SLC19A3: variants seen among roughly 807,000 people sequenced by gnomAD.
The protein encoded by SLC19A3 is thiamine transporter 2.
A neutral mutation model predicts 40.2 loss-of-function variants in SLC19A3; 31 were observed. That is an observed-to-expected ratio of 0.77 (90% CI 0.58 to 1.04). The LOEUF is 1.04. Ranked by LOEUF, SLC19A3 falls within the 50% of genes least tolerant of loss-of-function variation. SLC19A3 has a pLI of 0.00. For synonymous variants in SLC19A3, 212 were observed against 227.5 expected (o/e 0.93, Z 0.61); for missense variants, 592 against 596.7 (o/e 0.99, Z 0.08).
intron 4 of SLC19A3, among the ~76,000 whole-genome samples, chr2:227,692,213 G>A (rs1227222487): frequency 6.6e-6 from 1 of 151,956 alleles, no homozygotes; most frequent in Non-Finnish European, 1.5e-5. Flanking sequence ...ATTCTACAAG[G>A]CCAGTGTTAC....
At chr2:227,690,192 C>A (rs1439106030) in intron 4 of SLC19A3, among the ~76,000 whole-genome samples, 2 of 151,882 alleles carry the variant, frequency 1.3e-5, no homozygotes, top group Non-Finnish European at 2.9e-5. Context: ...TTAAAAAGAC[C>A]CAATGACCTG....
At chr2:227,694,278 A>G (rs932324651) in intron 4 of SLC19A3, among the ~76,000 whole-genome samples, 7 of 152,130 alleles carry the variant, frequency 4.6e-5, no homozygotes, top group Non-Finnish European at 1.0e-4. Context: ...AAGTGCTGGG[A>G]TTACAGGCGG....
At chr2:227,707,365 G>A (rs1053477926) in intron 1 of SLC19A3, among the ~76,000 whole-genome samples, 1 of 152,046 alleles carries the variant, frequency 6.6e-6, no homozygotes, top group Non-Finnish European at 1.5e-5. Context: ...CAGGTGGATC[G>A]CTTGAGCTCA....
At chr2:227,700,064 A>G (rs1194880104) in intron 2 of SLC19A3, among the ~76,000 whole-genome samples, 1 of 151,820 alleles carries the variant, frequency 6.6e-6, no homozygotes, top group Non-Finnish European at 1.5e-5. Context: ...TTTAGAAGAG[A>G]CGGGGTTTCA....
chr2:227,699,611 T>C, intron 2 of SLC19A3, 47 bp from the exon 3 acceptor site: 1 of 1,511,462 alleles, frequency 6.6e-7, no homozygotes, highest in East Asian at 2.3e-5. Flanking sequence ...GGTACTTTAC[T>C]AAGGTACCTG....
rs1695545568 is a variant in SLC19A3, at chr2:227,698,777, G to A, written c.938C>T (p.Ser313Phe). The A allele has an allele frequency of 1.2e-6, 2 of 1,614,144 alleles. No individual in the cohort carries two copies. The highest frequency in any genetic ancestry group is 1.7e-6 in the Non-Finnish European group (2 of 1,180,044). Residue 313 changes from serine to phenylalanine, a missense_variant, in exon 3 of 6, where the codon TCC (serine) becomes TTC (phenylalanine). Transcript: ENST00000644224. ...AGCTTCTACGGCCCCATTATAGATG[G>A]AAGAATCTTGGGATGGCGCCTTGTA... ...WDYKAPSQDSSIYNGAVEAIA... is the reference protein window; with the variant it reads ...WDYKAPSQDSFIYNGAVEAIA...
intron 3 of SLC19A3, among the ~76,000 whole-genome samples, chr2:227,696,711 A>G (rs1317533874): frequency 6.6e-6 from 1 of 152,192 alleles, no homozygotes; most frequent in Non-Finnish European, 1.5e-5. Flanking sequence ...AGTTCAAGAA[A>G]TTGAAATAAT....
Position 227,684,956 on chromosome 2 carries a change from C to G in SLC19A3, c.*2441G>C, listed in dbSNP as rs1387387554. On this transcript the variant is annotated 3_prime_UTR_variant, in exon 6 of 6. Coordinates refer to ENST00000644224, the MANE Select transcript of SLC19A3 (RefSeq NM_025243.4). ...TGACATTGCGTCATTGCACTCCAGC[C>G]TGGGTGACAGAGCAAGATTCTATCA... 1 of 110,158 alleles carries G rather than the reference C, an allele frequency of 9.1e-6. No homozygotes were observed. Among genetic ancestry groups the G allele is most frequent in the Admixed American group, 1.5e-4 (1 of 6,556 alleles). 6.8% of individuals were successfully genotyped at this position (110,158 alleles called of 1,614,324 possible). A position where few individuals can be genotyped will look rare whatever the true frequency, so the allele number is the denominator to read the frequency against.
chr2:227,717,953 G>C lies in SLC19A3; in HGVS notation c.-13C>G. 1 of 985,420 alleles carries C rather than the reference G, an allele frequency of 1.0e-6. No individual in the cohort carries two copies. Among genetic ancestry groups the C allele is most frequent in the Non-Finnish European group, 1.2e-6 (1 of 829,958 alleles). The allele number at this position is 985,420 out of a possible 1,614,324, so 61.0% of individuals were successfully genotyped here. ...CCGAGATATTCTTACCTACAGAAGG[G>C]AGTGTCTGTTCACCAAATCGCTCAC... is the stretch of plus-strand genomic sequence containing the variant. On this transcript the variant is annotated 5_prime_UTR_variant, in exon 1 of 6. Transcript: ENST00000644224.
Position 227,697,154 on chromosome 2 carries a change from GA to G in SLC19A3, c.980-1074del, listed in dbSNP as rs945080967. 2.4e-3 allele frequency among the ~76,000 whole-genome samples: 353 copies of G among 148,602 alleles called. 1 individual carries two copies. Among genetic ancestry groups the G allele is most frequent in the African/African-American group, 7.2e-3 (292 of 40,304 alleles). Reference sequence around the variant, plus strand: ...CCCACATGTGATCATGACCACAGAGGAAAAAAAAAATAACTATTTTTCCCCC... The same window carrying G: ...CCCACATGTGATCATGACCACAGAGGAAAAAAAAATAACTATTTTTCCCCC... On this transcript the variant is annotated intron_variant, in intron 3 of 5. Transcript: ENST00000644224.
intron 4 of SLC19A3, among the ~76,000 whole-genome samples, chr2:227,694,958 G>A (rs1318506120): frequency 6.6e-6 from 1 of 152,140 alleles, no homozygotes; most frequent in East Asian, 1.9e-4. Flanking sequence ...TACTCAGGAG[G>A]CTGAGGTGGG....
chr2:227,692,893 AT>A (rs774765037), intron 4 of SLC19A3, among the ~76,000 whole-genome samples: 18 of 152,216 alleles, frequency 1.2e-4, no homozygotes, highest in African/African-American at 1.7e-4. Flanking sequence ...ACTCCATAAC[AT>A]TTCTATATGC....
chr2:227,712,933 T>C (rs1310694245), intron 1 of SLC19A3, among the ~76,000 whole-genome samples: 1 of 152,120 alleles, frequency 6.6e-6, no homozygotes, highest in Non-Finnish European at 1.5e-5. Context: ...GTGACTGCAA[T>C]AGAGCGCAGG....
At chr2:227,691,952 G>A (rs1695248299) in intron 4 of SLC19A3, among the ~76,000 whole-genome samples, 1 of 152,114 alleles carries the variant, frequency 6.6e-6, no homozygotes, top group Non-Finnish European at 1.5e-5. Flanking sequence ...GCAAGTATAT[G>A]CCAATAAATT....
At chr2:227,693,003 G>A (rs1357944332) in intron 4 of SLC19A3, among the ~76,000 whole-genome samples, 1 of 152,032 alleles carries the variant, frequency 6.6e-6, no homozygotes, top group Non-Finnish European at 1.5e-5. Flanking sequence ...AAAGATCTTT[G>A]CAATGAAAAC....
intron 1 of SLC19A3, among the ~76,000 whole-genome samples, chr2:227,715,260 A>G (rs1187158406): frequency 1.8e-5 from 2 of 111,992 alleles, no homozygotes; most frequent in Non-Finnish European, 4.5e-5. Context: ...ACCCCCCCCA[A>G]AAAAAAATCT....
At chr2:227,705,473 T>C (rs1695894695) in intron 1 of SLC19A3, among the ~76,000 whole-genome samples, 1 of 152,014 alleles carries the variant, frequency 6.6e-6, no homozygotes, top group Admixed American at 6.6e-5. Context: ...CATGTATCTT[T>C]ATAATACAAT....
At chr2:227,712,320 T>C (rs908996302) in intron 1 of SLC19A3, among the ~76,000 whole-genome samples, 2 of 152,046 alleles carry the variant, frequency 1.3e-5, no homozygotes. Context: ...AAAATAGTCT[T>C]AAAAGCAATA....
rs1017517509 is a variant in SLC19A3, at chr2:227,717,967, C to G, written c.-27G>C. On this transcript the variant is annotated 5_prime_UTR_variant, in exon 1 of 6. Transcript: ENST00000644224. ...CCTACAGAAGGGAGTGTCTGTTCAC[C>G]AAATCGCTCACTTGCCGCACGACCA... is the stretch of plus-strand genomic sequence containing the variant. 1.0e-6 allele frequency: 1 copy of G among 985,288 alleles called. No individual in the cohort carries two copies. The highest frequency in any genetic ancestry group is 1.2e-6 in the Non-Finnish European group (1 of 829,966). 61.0% of individuals were successfully genotyped at this position (985,288 alleles called of 1,614,324 possible).
Sources: gnomAD v4.1 joint callset for allele counts (sites outside exome capture counted in the v4.1 genomes callset) on GRCh38, gnomAD v4.1.1 for gene constraint, MANE v1.5 for transcripts, NCBI Gene and HGNC (gene_info 2026-07-23, HGNC 2026-07-21) for gene names.